The following APOL3 variants were observed in gnomAD, a reference collection of about 807,000 sequenced individuals.
APOL3 encodes TNF-inducible protein CG12-1.
Under a neutral mutation model 11.6 loss-of-function variants are expected in APOL3, and 14 were observed. The ratio of observed to expected loss-of-function variants is 1.21; its 90% CI spans 0.80 to 1.89. The LOEUF (loss-of-function observed/expected upper bound fraction) is 1.89. APOL3 is among the 40% of genes most tolerant of loss of function. APOL3 has a pLI of 0.00. For synonymous variants in APOL3, 192 were observed against 190.6 expected (o/e 1.01, Z -0.06); for missense variants, 483 against 492.1 (o/e 0.98, Z 0.17).
At chr22:36,151,065 C>T (rs753359944) in intron 1 of APOL3, among the ~76,000 whole-genome samples, 1 of 152,136 alleles carries the variant, frequency 6.6e-6, no homozygotes, top group Admixed American at 6.5e-5. Flanking sequence ...AGCAGAGCCT[C>T]AGAGAGGGGA....
exon 3 of APOL3, chr22:36,141,715 C>T (rs61741884): frequency 0.054 from 86,600 of 1,613,978 alleles, 2,721 homozygotes; most frequent in Middle Eastern, 0.063. Flanking sequence ...ATCCCAGTCA[C>T]AGCAGACGCT....
At chr22:36,143,803 T>G (rs1340729048) in intron 2 of APOL3, among the ~76,000 whole-genome samples, 4 of 152,238 alleles carry the variant, frequency 2.6e-5, no homozygotes, top group Admixed American at 2.6e-4. Flanking sequence ...CCTGTGTGCA[T>G]GCCAATGCCA....
intron 1 of APOL3, 137 bp from the exon 3 acceptor site, chr22:36,145,736 T>C (rs1381357740): frequency 3.8e-6 from 4 of 1,040,954 alleles, no homozygotes; most frequent in Non-Finnish European, 4.1e-6. Context: ...ATCAGTGCTA[T>C]AGACTGAGTT....
chr22:36,141,431 A>C lies in APOL3; in HGVS notation c.978T>G (p.Ile326Met), dbSNP rs1464652896. 13 of 1,613,992 alleles carry C rather than the reference A, an allele frequency of 8.1e-6. No homozygotes were observed. Among genetic ancestry groups the C allele is most frequent in the Non-Finnish European group, 1.1e-5 (13 of 1,180,020 alleles). ...TGCTCACTGCCCGGGTGGTGCCTGC[A>C]ATCGTTCTCTCTGCTTGACCACCAC... The change falls in exon 3 of 3, where the codon ATT becomes ATG. Residue 326 changes from isoleucine (I) to methionine (M), a missense_variant. Physicochemically the swap from Ile to Met is conservative, Grantham distance 10. Transcript: ENST00000349314.
chr22:36,162,747 C>T (rs1394479537), upstream of APOL3, among the ~76,000 whole-genome samples: 1 of 152,198 alleles, frequency 6.6e-6, no homozygotes, highest in African/African-American at 2.4e-5. Context: ...GTCCAGAACT[C>T]CAGCTCTGTT....
Position 36,147,931 on chromosome 22 carries a change from C to T in APOL3, c.224-2332G>A, listed in dbSNP as rs148469439. ...GATGGGTGCTTACGTTAGGCACAAA[C>T]AAAACTTAACTTCGGCCAGTCATGA... On this transcript the variant is annotated intron_variant, in intron 1 of 2. Transcript: ENST00000349314. Among the ~76,000 whole-genome samples, 211 of 152,250 alleles carry T rather than the reference C, an allele frequency of 1.4e-3. 1 individual carries two copies. Among genetic ancestry groups the T allele is most frequent in the African/African-American group, 5.0e-3 (206 of 41,538 alleles).
intron 1 of APOL3, 26 bp downstream of exon 1, chr22:36,160,643 G>C: frequency 6.2e-7 from 1 of 1,610,978 alleles, no homozygotes; most frequent in Non-Finnish European, 8.5e-7. Flanking sequence ...GGGGAGATGG[G>C]GAAGGTCAGA....
At chr22:36,162,098 AGT>A (rs780513766), upstream of APOL3, among the ~76,000 whole-genome samples, 1 of 152,190 alleles carries the variant, frequency 6.6e-6, no homozygotes, top group Non-Finnish European at 1.5e-5. Context: ...TGAAATGCTG[AGT>A]TGGTCACAAT....
In APOL3 at chr22:36,141,144, A is replaced by G. The variant is rs557119158; in HGVS notation, c.*56T>C. 4.3e-4 allele frequency: 670 copies of G among 1,555,698 alleles called. 5 individuals carry two copies. The South Asian group carries it at 7.7e-3, about 18-fold the overall frequency. ...TTTATCCCCCTAATAAAATGCCTGCATTTTGTCGTGGCCTGTGTATGGCTC... is the reference window on the plus strand; with the variant it reads ...TTTATCCCCCTAATAAAATGCCTGCGTTTTGTCGTGGCCTGTGTATGGCTC... On this transcript the variant is annotated 3_prime_UTR_variant, in exon 3 of 3. Transcript: ENST00000349314.
intron 1 of APOL3, chr22:36,154,503 T>C (rs1057024636): frequency 2.3e-6 from 1 of 430,492 alleles, no homozygotes; most frequent in African/African-American, 2.1e-5. Flanking sequence ...AAGAGCATCT[T>C]AATATAAATG....
upstream of APOL3, chr22:36,164,810 A>G (rs2013817917): frequency 6.6e-6 from 1 of 152,296 alleles, no homozygotes; most frequent in East Asian, 1.9e-4. Context: ...ATTGGTTGGG[A>G]TCCCATCACT....
intron 2 of APOL3, among the ~76,000 whole-genome samples, chr22:36,143,351 T>C (rs1232238057): frequency 2.6e-5 from 4 of 152,252 alleles, no homozygotes. Flanking sequence ...CTGTGTTCTT[T>C]CCCTGTGATA....
In APOL3 at chr22:36,159,907, C is replaced by A. The variant is rs555911852; in HGVS notation, c.223+762G>T. Among the ~76,000 whole-genome samples, 342 of 151,688 alleles carry A rather than the reference C, an allele frequency of 2.3e-3. 1 individual carries two copies. The highest frequency in any genetic ancestry group is 5.8e-3 in the Admixed American group (88 of 15,254). ...TTTTTTTTTTTGAGACAGAGTCTCA[C>A]TCTGTCAGGAGTGCACTCAGGCTGG... is the stretch of plus-strand genomic sequence containing the variant. On this transcript the variant is annotated intron_variant, in intron 1 of 2. Transcript: ENST00000349314.
At chr22:36,155,242 C>CTG (rs1362644948) in intron 1 of APOL3, among the ~76,000 whole-genome samples, 2 of 152,208 alleles carry the variant, frequency 1.3e-5, no homozygotes, top group African/African-American at 4.8e-5. Flanking sequence ...TTCTTCTTTA[C>CTG]TGTGGCTTCG....
intron 1 of APOL3, among the ~76,000 whole-genome samples, chr22:36,147,504 G>A (rs746312562): frequency 6.6e-6 from 1 of 152,184 alleles, no homozygotes; most frequent in Non-Finnish European, 1.5e-5. Flanking sequence ...TGGCTGGTAG[G>A]TCCCGGCTTC....
At chr22:36,147,388 C>T (rs58385560) in intron 1 of APOL3, among the ~76,000 whole-genome samples, 10,850 of 152,192 alleles carry the variant, frequency 0.071, 1,282 homozygotes, top group African/African-American at 0.25. Flanking sequence ...CCACTATCAC[C>T]TCTGAACCCA....
At chr22:36,158,500 C>T (rs904264885) in intron 1 of APOL3, among the ~76,000 whole-genome samples, 18 of 152,188 alleles carry the variant, frequency 1.2e-4, no homozygotes, top group African/African-American at 3.6e-4. Flanking sequence ...AGGGAGTAGG[C>T]GGGTCCCTAA....
At chr22:36,149,342 ACT>A in intron 1 of APOL3, 200 bp from the exon 2 acceptor site, 1 of 1,306,262 alleles carries the variant, frequency 7.7e-7, no homozygotes, top group Non-Finnish European at 1.0e-6. Context: ...CTCTGCCCTC[ACT>A]CTCACACCAA....
intron 2 of APOL3, among the ~76,000 whole-genome samples, chr22:36,143,633 T>C (rs2060082005): frequency 6.6e-6 from 1 of 152,222 alleles, no homozygotes; most frequent in Non-Finnish European, 1.5e-5. Flanking sequence ...GTCCAGCCAC[T>C]GCCCCCTTTG....
Sources: gnomAD v4.1 joint callset for allele counts (sites outside exome capture counted in the v4.1 genomes callset) on GRCh38, gnomAD v4.1.1 for gene constraint, MANE v1.5 for transcripts, NCBI Gene and HGNC (gene_info 2026-07-23, HGNC 2026-07-21) for gene names.